The following RASAL2 variants were observed in gnomAD, a reference collection of about 807,000 sequenced individuals.
RASAL2 encodes ras GTPase-activating protein nGAP.
Under a neutral mutation model 128.9 loss-of-function variants are expected in RASAL2, and 58 were observed. The observed-to-expected ratio is 0.45, with a 90% CI of 0.36 to 0.56. The LOEUF is 0.56. Ranked by LOEUF, RASAL2 falls within the 20% of genes least tolerant of loss-of-function variation. The probability of loss-of-function intolerance (pLI) is 0.00; values close to 1 mark genes in which losing one functional copy is unlikely to be tolerated. For missense variants in RASAL2, 1,360 were observed against 1,601.6 expected (o/e 0.85, Z 2.57); for synonymous variants, 561 against 580.8 (o/e 0.97, Z 0.49).
At chr1:178,277,007 G>A (rs1666547753) in intron 1 of RASAL2, among the ~76,000 whole-genome samples, 1 of 151,738 alleles carries the variant, frequency 6.6e-6, no homozygotes, top group Admixed American at 6.6e-5. Context: ...AATTAGCCAG[G>A]TGTGGTGGCG....
intron 3 of RASAL2, among the ~76,000 whole-genome samples, chr1:178,379,339 C>T (rs916813464): frequency 6.9e-6 from 1 of 145,424 alleles, no homozygotes; most frequent in Non-Finnish European, 1.5e-5. Context: ...GATTCTGCCA[C>T]TTTACTGGGA....
intron 3 of RASAL2, among the ~76,000 whole-genome samples, chr1:178,306,596 G>A (rs1195840785): frequency 6.6e-6 from 1 of 151,780 alleles, no homozygotes; most frequent in Non-Finnish European, 1.5e-5. Context: ...CATTCTAACT[G>A]GTGTGAGATG....
chr1:178,174,432 A>G (rs540307329), intron 1 of RASAL2, among the ~76,000 whole-genome samples: 1 of 152,226 alleles, frequency 6.6e-6, no homozygotes, highest in Admixed American at 6.5e-5. Flanking sequence ...AAAAGCTTTC[A>G]TCAACTTTTG....
At chr1:178,430,944 A>C (rs986220079) in intron 5 of RASAL2, among the ~76,000 whole-genome samples, 7 of 147,288 alleles carry the variant, frequency 4.8e-5, no homozygotes, top group East Asian at 2.0e-4. Context: ...ACACACACAC[A>C]CCCCTCTTAT....
At chr1:178,178,462 A>G (rs142768557) in intron 1 of RASAL2, among the ~76,000 whole-genome samples, 63 of 152,256 alleles carry the variant, frequency 4.1e-4, no homozygotes, top group African/African-American at 1.0e-3. Flanking sequence ...CCTCCATGTA[A>G]TCTTTTTTAT....
At chr1:178,240,986 T>C (rs1397123159) in intron 1 of RASAL2, among the ~76,000 whole-genome samples, 1 of 151,898 alleles carries the variant, frequency 6.6e-6, no homozygotes, top group Non-Finnish European at 1.5e-5. Context: ...CTCTGGTGTA[T>C]CCTACTGTCA....
chr1:178,468,969 A>T (rs1487505200), intron 17 of RASAL2, among the ~76,000 whole-genome samples: 5 of 152,218 alleles, frequency 3.3e-5, no homozygotes, highest in Non-Finnish European at 7.3e-5. Flanking sequence ...CTAAGAGATA[A>T]AACAGACTTT....
chr1:178,318,117 T>C (rs1464748313), intron 3 of RASAL2, among the ~76,000 whole-genome samples: 1 of 152,252 alleles, frequency 6.6e-6, no homozygotes, highest in Non-Finnish European at 1.5e-5. Flanking sequence ...GTGGGATTCT[T>C]AGTCCTGAGT....
chr1:178,470,015 C>G (rs1046464990), intron 17 of RASAL2, among the ~76,000 whole-genome samples: 12 of 152,204 alleles, frequency 7.9e-5, no homozygotes, highest in African/African-American at 2.2e-4. Flanking sequence ...TTTCTTAATT[C>G]CAGCTGTTGG....
intron 1 of RASAL2, among the ~76,000 whole-genome samples, chr1:178,127,130 A>G (rs1024360444): frequency 1.3e-5 from 2 of 152,198 alleles, no homozygotes; most frequent in Non-Finnish European, 2.9e-5. Context: ...TATTTCCAGA[A>G]TGTGTGGAAT....
chr1:178,372,337 G>C, intron 3 of RASAL2: 1 of 985,356 alleles, frequency 1.0e-6, no homozygotes, highest in Non-Finnish European at 1.2e-6. Flanking sequence ...GGTAGGGCTT[G>C]CTTGTTCTTT....
At chr1:178,265,368 C>T (rs1665898584) in intron 1 of RASAL2, among the ~76,000 whole-genome samples, 1 of 152,142 alleles carries the variant, frequency 6.6e-6, no homozygotes, top group Non-Finnish European at 1.5e-5. Context: ...AAGCAGTTCC[C>T]CTGCCTCAGC....
intron 5 of RASAL2, among the ~76,000 whole-genome samples, chr1:178,433,222 ACACCTG>A (rs1272359015): frequency 6.6e-6 from 1 of 151,946 alleles, no homozygotes; most frequent in Non-Finnish European, 1.5e-5. Context: ...GTAGATCTCC[ACACCTG>A]CATATAGTGA....
chr1:178,259,876 AC>A (rs1212611033), intron 1 of RASAL2, among the ~76,000 whole-genome samples: 2 of 152,064 alleles, frequency 1.3e-5, no homozygotes, highest in Non-Finnish European at 2.9e-5. Context: ...TTTTGATATC[AC>A]TAGTGATGTT....
At chr1:178,332,521 C>T (rs1480882357) in intron 3 of RASAL2, among the ~76,000 whole-genome samples, 1 of 151,876 alleles carries the variant, frequency 6.6e-6, no homozygotes, top group Non-Finnish European at 1.5e-5. Context: ...AACCTGTATT[C>T]TCAAAATCAA....
chr1:178,371,958 G>C (rs1671741737), intron 3 of RASAL2, among the ~76,000 whole-genome samples: 1 of 151,834 alleles, frequency 6.6e-6, no homozygotes. Context: ...TTTTCTTTCA[G>C]ACTAAAGCAT....
intron 1 of RASAL2, among the ~76,000 whole-genome samples, chr1:178,264,252 C>G (rs1389743650): frequency 6.6e-6 from 1 of 152,208 alleles, no homozygotes; most frequent in African/African-American, 2.4e-5. Flanking sequence ...AGTTTCTGCT[C>G]CACAGAGGCA....
intron 1 of RASAL2, among the ~76,000 whole-genome samples, chr1:178,223,255 G>A (rs1176473571): frequency 7.2e-5 from 11 of 152,112 alleles, no homozygotes; most frequent in Non-Finnish European, 1.0e-4. Context: ...ATAATTTCAC[G>A]AGGAAATATA....
At chr1:178,375,079 A>G (rs945303802) in intron 3 of RASAL2, among the ~76,000 whole-genome samples, 1 of 152,080 alleles carries the variant, frequency 6.6e-6, no homozygotes, top group African/African-American at 2.4e-5. Flanking sequence ...CCAGGTAAAA[A>G]TTGCTTTGGG....
Sources: allele counts gnomAD v4.1 joint callset (sites outside exome capture counted in the v4.1 genomes callset), GRCh38; gene constraint gnomAD v4.1.1; transcripts MANE v1.5; gene names NCBI Gene and HGNC (gene_info 2026-07-23, HGNC 2026-07-21).